Variants in SLC39A11 observed in about 807,000 individuals in gnomAD.
SLC39A11 encodes the protein solute carrier family 39 member 11.
SLC39A11 carries 33 observed loss-of-function variants against 36.1 expected under a neutral mutation model. That is an observed-to-expected ratio of 0.91 (90% CI 0.69 to 1.22). SLC39A11 has a LOEUF of 1.22. SLC39A11 is among the 50% of genes most tolerant of loss of function. The pLI is 0.00. For synonymous variants in SLC39A11, 166 were observed against 170.3 expected (o/e 0.97, Z 0.20); for missense variants, 432 against 430.3 (o/e 1.00, Z -0.03).
At chr17:73,066,874 T>C (rs1020205489) in intron 3 of SLC39A11, among the ~76,000 whole-genome samples, 1 of 152,224 alleles carries the variant, frequency 6.6e-6, no homozygotes, top group African/African-American at 2.4e-5. Context: ...TTATGCCAGA[T>C]TGAGTTAGGT....
At chr17:72,966,104 G>A (rs1055064966) in intron 4 of SLC39A11, among the ~76,000 whole-genome samples, 4 of 152,188 alleles carry the variant, frequency 2.6e-5, no homozygotes, top group African/African-American at 9.7e-5. Context: ...CAGGGTGACA[G>A]GCCCAGCTGA....
intron 5 of SLC39A11, among the ~76,000 whole-genome samples, chr17:72,889,536 CA>C (rs10536927): frequency 0.11 from 15,201 of 140,672 alleles, 861 homozygotes; most frequent in African/African-American, 0.17. Context: ...GACTCCATCT[CA>C]AAAAAAAAAA....
intron 5 of SLC39A11, among the ~76,000 whole-genome samples, chr17:72,851,807 G>A (rs1332266071): frequency 1.3e-5 from 2 of 152,068 alleles, no homozygotes; most frequent in East Asian, 1.9e-4. Flanking sequence ...CAAAAAACAC[G>A]GAGCTCTCTG....
At chr17:73,061,955 C>T (rs2059852602) in intron 3 of SLC39A11, among the ~76,000 whole-genome samples, 1 of 152,086 alleles carries the variant, frequency 6.6e-6, no homozygotes, top group Non-Finnish European at 1.5e-5. Context: ...CGTGTGATCA[C>T]GTCACTGCAC....
chr17:72,667,532 G>A (rs1025967953), intron 7 of SLC39A11, among the ~76,000 whole-genome samples: 2 of 152,232 alleles, frequency 1.3e-5, no homozygotes, highest in Admixed American at 1.3e-4. Context: ...GGCAAGTGCA[G>A]GGTGCATGGC....
intron 3 of SLC39A11, among the ~76,000 whole-genome samples, chr17:73,084,135 T>C (rs2060637179): frequency 6.6e-6 from 1 of 152,118 alleles, no homozygotes; most frequent in Admixed American, 6.6e-5. Context: ...AATTTTTACA[T>C]GTTTAACAAT....
chr17:72,953,100 G>A (rs1035098676), intron 4 of SLC39A11, among the ~76,000 whole-genome samples: 4 of 152,050 alleles, frequency 2.6e-5, no homozygotes, highest in African/African-American at 9.7e-5. Context: ...GCTCAGTACA[G>A]AAAGCAGGGT....
At chr17:72,912,010 A>G (rs16977430) in intron 5 of SLC39A11, among the ~76,000 whole-genome samples, 41,351 of 152,014 alleles carry the variant, frequency 0.27, 6,252 homozygotes, top group African/African-American at 0.41. Context: ...CGTTCTGAGC[A>G]ACGTGATGGG....
chr17:72,825,589 T>C (rs1000037003), intron 6 of SLC39A11, among the ~76,000 whole-genome samples: 1 of 152,288 alleles, frequency 6.6e-6, no homozygotes, highest in African/African-American at 2.4e-5. Context: ...AGTTCCACCA[T>C]GTGCCTGGAA....
chr17:73,002,706 C>T (rs958443588), intron 4 of SLC39A11, among the ~76,000 whole-genome samples: 3 of 152,226 alleles, frequency 2.0e-5, no homozygotes, highest in Non-Finnish European at 2.9e-5. Context: ...ATCACAAATG[C>T]AATGGCTTCA....
At position 73,047,065 on chromosome 17, in the gene SLC39A11, C is replaced by T. The variant is rs1340357013; in HGVS notation, c.148-15351G>A. Among the ~76,000 whole-genome samples, 8 of 144,626 alleles carry T rather than the reference C, an allele frequency of 5.5e-5. No individual in the cohort carries two copies. In the East Asian group the frequency reaches 1.6e-3, roughly 29 times the overall value. 94.9% of individuals were successfully genotyped at this position (144,626 alleles called of 152,430 possible). On this transcript the variant is annotated intron_variant, in intron 3 of 9. Transcript: ENST00000255559. ...TTTGAGACGGAGTCTCGCTCTGTTG[C>T]CCAGGCTGGAGTGCAGTGGCACCAT...
intron 7 of SLC39A11, among the ~76,000 whole-genome samples, chr17:72,653,724 T>C (rs1234354419): frequency 6.6e-6 from 1 of 152,026 alleles, no homozygotes; most frequent in Admixed American, 6.5e-5. Context: ...CAGGTGTGAG[T>C]CACCTCACCC....
chr17:72,707,262 G>T (rs2072929948), intron 7 of SLC39A11, among the ~76,000 whole-genome samples: 1 of 151,984 alleles, frequency 6.6e-6, no homozygotes, highest in Admixed American at 6.6e-5. Flanking sequence ...TAAGTAGCTG[G>T]GTGTAGGGGT....
intron 6 of SLC39A11, among the ~76,000 whole-genome samples, chr17:72,804,152 C>T (rs577793723): frequency 2.0e-5 from 3 of 152,224 alleles, no homozygotes; most frequent in Middle Eastern, 3.4e-3. Flanking sequence ...CCCGCCACCA[C>T]GTCTGGTTAA....
intron 4 of SLC39A11, among the ~76,000 whole-genome samples, chr17:73,018,309 G>A (rs1050567478): frequency 2.0e-5 from 3 of 152,138 alleles, no homozygotes; most frequent in Non-Finnish European, 2.9e-5. Context: ...GGCACTTTGC[G>A]AGGCCAAGGT....
chr17:72,847,065 A>G (rs1463358521), intron 6 of SLC39A11, among the ~76,000 whole-genome samples: 1 of 152,070 alleles, frequency 6.6e-6, no homozygotes, highest in Non-Finnish European at 1.5e-5. Context: ...AGGTCCATAT[A>G]AGACCCCATC....
At chr17:72,909,384 G>A (rs1040043052) in intron 5 of SLC39A11, among the ~76,000 whole-genome samples, 3 of 152,172 alleles carry the variant, frequency 2.0e-5, no homozygotes, top group African/African-American at 7.2e-5. Flanking sequence ...GAAACACATT[G>A]ACTTGAATCC....
Position 73,011,822 on chromosome 17 carries a change from C to T in SLC39A11, c.306+19734G>A, listed in dbSNP as rs578124862. Among the ~76,000 whole-genome samples, 222 of 151,094 alleles carry T rather than the reference C, an allele frequency of 1.5e-3. 1 individual carries two copies. The highest frequency in any genetic ancestry group is 4.8e-3 in the African/African-American group (200 of 41,356). ...AACTACGGGCACCCACCACCATGCC[C>T]GGCTAGTTTTTGTATTTTGGGTAGA... On this transcript the variant is annotated intron_variant, in intron 4 of 9. Transcript: ENST00000255559.
intron 7 of SLC39A11, among the ~76,000 whole-genome samples, chr17:72,726,009 T>A (rs1022303715): frequency 6.6e-6 from 1 of 152,236 alleles, no homozygotes; most frequent in African/African-American, 2.4e-5. Flanking sequence ...GTCCTCAGGC[T>A]GGGTCTCCAA....
Sources: gnomAD v4.1 joint callset for allele counts (sites outside exome capture counted in the v4.1 genomes callset) on GRCh38, gnomAD v4.1.1 for gene constraint, MANE v1.5 for transcripts, NCBI Gene and HGNC (gene_info 2026-07-23, HGNC 2026-07-21) for gene names.